The following DOK6 variants were observed in gnomAD, a reference collection of about 807,000 sequenced individuals.
DOK6 encodes downstream of tyrosine kinase 6.
In DOK6, 22 loss-of-function variants were observed where a neutral mutation model predicts 44.0. The observed-to-expected ratio is 0.50, with a 90% CI of 0.36 to 0.71. The LOEUF (loss-of-function observed/expected upper bound fraction) is 0.71, where lower values mean the gene tolerates loss of function less well. Among genes scored for constraint, DOK6 ranks in the 30% least tolerant of loss-of-function variants. The pLI, the probability that DOK6 is intolerant of heterozygous loss-of-function variation, is 0.00. For synonymous variants in DOK6, 166 were observed against 145.5 expected (o/e 1.14, Z -1.01); for missense variants, 340 against 416.4 (o/e 0.82, Z 1.60).
At chr18:69,422,555 A>G (rs150963326) in intron 1 of DOK6, among the ~76,000 whole-genome samples, 21 of 152,336 alleles carry the variant, frequency 1.4e-4, no homozygotes, top group Middle Eastern at 3.4e-3. Flanking sequence ...CCTCAAAGGT[A>G]AAACTGTCTT....
At chr18:69,835,186 G>A (rs181702166) in intron 7 of DOK6, among the ~76,000 whole-genome samples, 2 of 152,270 alleles carry the variant, frequency 1.3e-5, no homozygotes, top group African/African-American at 2.4e-5. Flanking sequence ...TTCTGGGCCG[G>A]GCGCGGTGGC....
chr18:69,517,579 A>C (rs1981564661), intron 1 of DOK6, among the ~76,000 whole-genome samples: 1 of 152,024 alleles, frequency 6.6e-6, no homozygotes, highest in Non-Finnish European at 1.5e-5. Context: ...CTAGAAGTTG[A>C]GCTGTGTTGC....
chr18:69,559,743 C>A (rs988110040), intron 1 of DOK6, among the ~76,000 whole-genome samples: 1 of 152,058 alleles, frequency 6.6e-6, no homozygotes, highest in African/African-American at 2.4e-5. Context: ...CTGGAGTTTG[C>A]AAGTTTGAGA....
chr18:69,696,886 A>C (rs1986401048), intron 4 of DOK6, among the ~76,000 whole-genome samples: 1 of 152,220 alleles, frequency 6.6e-6, no homozygotes, highest in African/African-American at 2.4e-5. Context: ...TGGGCTTTTC[A>C]CTGCAGATAA....
intron 7 of DOK6, among the ~76,000 whole-genome samples, chr18:69,764,428 C>T (rs762080959): frequency 3.3e-5 from 5 of 152,100 alleles, no homozygotes; most frequent in South Asian, 2.1e-4. Flanking sequence ...ACCTCATGGG[C>T]GGTCATTAGG....
chr18:69,541,980 G>A (rs1982281305), intron 1 of DOK6, among the ~76,000 whole-genome samples: 1 of 151,520 alleles, frequency 6.6e-6, no homozygotes, highest in Non-Finnish European at 1.5e-5. Flanking sequence ...TTGACAAGTA[G>A]TTGTGAGTCC....
rs189522475 is a variant in DOK6 at position 69,691,966 on chromosome 18, A to G, written c.410-6438A>G. Among the ~76,000 whole-genome samples, 42 of 152,314 alleles carry G rather than the reference A, an allele frequency of 2.8e-4. 1 individual carries two copies. The highest frequency in any genetic ancestry group is 9.9e-4 in the African/African-American group (41 of 41,572). ...CATATGCCTCAAAGAGAGCGGTAGCATTTGAATACATCTTGTCATTAAGAA... is the reference window on the plus strand; with the variant it reads ...CATATGCCTCAAAGAGAGCGGTAGCGTTTGAATACATCTTGTCATTAAGAA... On this transcript the variant is annotated intron_variant, in intron 4 of 7. Coordinates refer to ENST00000382713, the MANE Select transcript of DOK6 (RefSeq NM_152721.6).
intron 3 of DOK6, among the ~76,000 whole-genome samples, chr18:69,605,511 A>C (rs563761876): frequency 5.3e-4 from 81 of 152,266 alleles, no homozygotes; most frequent in African/African-American, 1.8e-3. Context: ...AATTATTACT[A>C]AGTCTAGGAT....
intron 4 of DOK6, among the ~76,000 whole-genome samples, chr18:69,693,927 CGG>C (rs1334323271): frequency 6.6e-6 from 1 of 151,514 alleles, no homozygotes; most frequent in Non-Finnish European, 1.5e-5. Context: ...GGCGTGGTGG[CGG>C]GCGCCTGTAG....
intron 2 of DOK6, among the ~76,000 whole-genome samples, chr18:69,568,874 A>T (rs1004296109): frequency 2.0e-5 from 3 of 151,216 alleles, no homozygotes; most frequent in African/African-American, 7.3e-5. Context: ...ACTGTCTCCC[A>T]TCACCCCCAG....
chr18:69,525,955 C>T (rs1370432399), intron 1 of DOK6, among the ~76,000 whole-genome samples: 3 of 151,940 alleles, frequency 2.0e-5, no homozygotes, highest in Admixed American at 6.6e-5. Context: ...GTTTGATAAG[C>T]AGTGATCTAT....
chr18:69,761,990 G>A (rs938323615), intron 7 of DOK6, among the ~76,000 whole-genome samples: 1 of 152,086 alleles, frequency 6.6e-6, no homozygotes, highest in Non-Finnish European at 1.5e-5. Context: ...GCAGAAGTGA[G>A]CATGTATTAA....
At chr18:69,557,607 A>G (rs1982719938) in intron 1 of DOK6, among the ~76,000 whole-genome samples, 1 of 152,168 alleles carries the variant, frequency 6.6e-6, no homozygotes, top group Non-Finnish European at 1.5e-5. Flanking sequence ...GAGGGTGTGA[A>G]CCAGCTGTGA....
intron 3 of DOK6, among the ~76,000 whole-genome samples, chr18:69,673,219 A>G (rs867293228): frequency 3.0e-5 from 4 of 132,094 alleles, no homozygotes; most frequent in Admixed American, 1.5e-4. Context: ...CTGATAGCAT[A>G]TTTTCTGTGT....
At chr18:69,452,185 AAGAG>A (rs1237555634) in intron 1 of DOK6, among the ~76,000 whole-genome samples, 1 of 151,442 alleles carries the variant, frequency 6.6e-6, no homozygotes, top group Non-Finnish European at 1.5e-5. Flanking sequence ...TAAAGAAAAA[AAGAG>A]AGAAGAATCA....
At chr18:69,405,592 T>TAAAATAAAATAAAATAAAATA (rs1916190972) in intron 1 of DOK6, among the ~76,000 whole-genome samples, 169 of 149,768 alleles carry the variant, frequency 1.1e-3, no homozygotes, top group African/African-American at 4.0e-3. Flanking sequence ...AATAACTAAC[T>TAAAATAAAATAAAATAAAATA]AAATAAAATA....
chr18:69,570,716 G>A (rs1485225572), intron 2 of DOK6, among the ~76,000 whole-genome samples: 2 of 152,048 alleles, frequency 1.3e-5, no homozygotes, highest in Non-Finnish European at 2.9e-5. Context: ...GTGATTTGGA[G>A]GGCAGTGATC....
intron 3 of DOK6, among the ~76,000 whole-genome samples, chr18:69,618,275 A>G (rs1038651148): frequency 1.2e-4 from 18 of 152,158 alleles, no homozygotes; most frequent in African/African-American, 3.6e-4. Context: ...ACTAATATAG[A>G]GCTCTTCCGA....
At chr18:69,803,133 C>A (rs2145107912) in intron 7 of DOK6, among the ~76,000 whole-genome samples, 1 of 152,050 alleles carries the variant, frequency 6.6e-6, no homozygotes, top group Non-Finnish European at 1.5e-5. Flanking sequence ...GATTATAAAG[C>A]CTCCATTTTC....
Sources: gnomAD v4.1 joint callset for allele counts (sites outside exome capture counted in the v4.1 genomes callset) on GRCh38, gnomAD v4.1.1 for gene constraint, MANE v1.5 for transcripts, NCBI Gene and HGNC (gene_info 2026-07-23, HGNC 2026-07-21) for gene names.